Variants in RBM12 observed in about 807,000 individuals in gnomAD.
The protein encoded by RBM12 is RNA-binding protein 12.
A neutral mutation model predicts 37.2 loss-of-function variants in RBM12; 24 were observed. The observed-to-expected ratio is 0.65, with a 90% CI of 0.47 to 0.91. The LOEUF (loss-of-function observed/expected upper bound fraction) is 0.91, where lower values mean the gene tolerates loss of function less well. Among genes scored for constraint, RBM12 ranks in the 40% least tolerant of loss-of-function variants. The pLI is 0.00. For synonymous variants in RBM12, 420 were observed against 425.2 expected (o/e 0.99, Z 0.15); for missense variants, 1,061 against 1,183.2 (o/e 0.90, Z 1.52).
At chr20:35,659,138 CAAAAAA>C (rs370328377) in intron 1 of RBM12, 124 bp from the exon 2 acceptor site, 5 of 271,532 alleles carry the variant, frequency 1.8e-5, no homozygotes, top group African/African-American at 2.9e-5. Flanking sequence ...GAATGCATAT[CAAAAAA>C]AAAAAAAAAA....
rs970846986 is a variant in RBM12 at position 35,651,322 on chromosome 20, T to C, written c.*1202A>G. 2.0e-5 allele frequency: 3 copies of C among 152,162 alleles called. No homozygotes were observed. The highest frequency in any genetic ancestry group is 2.9e-5 in the Non-Finnish European group (2 of 68,016). 9.4% of individuals were successfully genotyped at this position (152,162 alleles called of 1,614,324 possible). Reference sequence around the variant, plus strand: ...GTCCTGAATACCAAAGAAAAGAGTATGAAAGGGTCAAGAATCTCAATTTTC... The same window carrying C: ...GTCCTGAATACCAAAGAAAAGAGTACGAAAGGGTCAAGAATCTCAATTTTC... On this transcript the variant is annotated 3_prime_UTR_variant, in exon 3 of 3. Coordinates refer to ENST00000374114, the MANE Select transcript of RBM12 (RefSeq NM_006047.6).
chr20:35,656,193 A>C (rs987228727), intron 2 of RBM12, among the ~76,000 whole-genome samples: 11 of 152,156 alleles, frequency 7.2e-5, no homozygotes, highest in Non-Finnish European at 1.0e-4. Flanking sequence ...TTTTTAAAGT[A>C]TTATTTTCCC....
chr20:35,663,366 T>C (rs1173501994), intron 1 of RBM12, among the ~76,000 whole-genome samples: 5 of 152,188 alleles, frequency 3.3e-5, no homozygotes, highest in African/African-American at 1.2e-4. Flanking sequence ...TCCCAGACAA[T>C]TCTTGTTGCT....
At position 35,651,506 on chromosome 20, in the gene RBM12, A is replaced by G. The variant is rs1161138236; in HGVS notation, c.*1018T>C. 6.6e-6 allele frequency: 1 copy of G among 152,254 alleles called. No individual in the cohort carries two copies. Among genetic ancestry groups the G allele is most frequent in the Non-Finnish European group, 1.5e-5 (1 of 68,042 alleles). The allele number at this position is 152,254 out of a possible 1,614,324, so 9.4% of individuals were successfully genotyped here. A position where few individuals can be genotyped will look rare whatever the true frequency, so the allele number is the denominator to read the frequency against. On this transcript the variant is annotated 3_prime_UTR_variant, in exon 3 of 3. Transcript: ENST00000374114. The stretch of plus-strand genomic sequence containing the variant: ...TATTCTATACTACTACTGCTAACAA[A>G]GATAATTTCAACTTCAGTTTTAAAA...
In RBM12 at chr20:35,649,896, T is replaced by G. The variant is rs1343382230; in HGVS notation, c.*2628A>C. 1 of 152,390 alleles carries G rather than the reference T, an allele frequency of 6.6e-6. No individual in the cohort carries two copies. The highest frequency in any genetic ancestry group is 6.5e-5 in the Admixed American group (1 of 15,280). 9.4% of individuals were successfully genotyped at this position (152,390 alleles called of 1,614,324 possible). ...AAAATATCATGATAGTGTTTACAAA[T>G]GCACACAACTTTGAGCAAAGCTTTA... is the stretch of plus-strand genomic sequence containing the variant. On this transcript the variant is annotated 3_prime_UTR_variant, in exon 3 of 3. Transcript: ENST00000374114.
At chr20:35,659,717 G>A (rs1307093623) in intron 1 of RBM12, among the ~76,000 whole-genome samples, 1 of 152,140 alleles carries the variant, frequency 6.6e-6, no homozygotes, top group African/African-American at 2.4e-5. Context: ...GACATATTAA[G>A]AGTATATCCC....
chr20:35,664,018 C>T (rs2034391294), intron 1 of RBM12, among the ~76,000 whole-genome samples: 1 of 152,198 alleles, frequency 6.6e-6, no homozygotes, highest in South Asian at 2.1e-4. Context: ...TACTGGGGGA[C>T]CAAAGGCCTG....
Position 35,651,844 on chromosome 20 carries a change from C to CA in RBM12, c.*679dup, listed in dbSNP as rs1036146479. The CA allele has an allele frequency of 3.3e-5, 5 of 152,520 alleles. No individual in the cohort carries two copies. The highest frequency in any genetic ancestry group is 7.4e-5 in the Non-Finnish European group (5 of 68,010). 9.4% of individuals were successfully genotyped at this position (152,520 alleles called of 1,614,324 possible). On this transcript the variant is annotated 3_prime_UTR_variant, in exon 3 of 3. Coordinates refer to ENST00000374114, the MANE Select transcript of RBM12 (RefSeq NM_006047.6). ...CAGTTTTAAGTGTGACATTAGAAAT[C>CA]AAAGTTTGAGGTTATAGCACAAACG...
In RBM12 at chr20:35,650,797, C is replaced by T. The variant is rs923847279; in HGVS notation, c.*1727G>A. 2 of 152,562 alleles carry T rather than the reference C, an allele frequency of 1.3e-5. No individual in the cohort carries two copies. Among genetic ancestry groups the T allele is most frequent in the Non-Finnish European group, 2.9e-5 (2 of 68,006 alleles). 9.5% of individuals were successfully genotyped at this position (152,562 alleles called of 1,614,324 possible). The stretch of plus-strand genomic sequence containing the variant: ...CTTAAATTACACAACCGCTGTATTT[C>T]AGTGTTCCACTGACTCACAACACCA... On this transcript the variant is annotated 3_prime_UTR_variant, in exon 3 of 3. Coordinates refer to ENST00000374114, the MANE Select transcript of RBM12 (RefSeq NM_006047.6).
rs572574685 is a variant in RBM12, at chr20:35,663,801, C to T, written c.-108+959G>A. Reference sequence around the variant, plus strand: ...AGCCTGCTGCACTGGCGTCCAACCCCGTCACTAACCTGTAGATCCTCAAAG... The same window carrying T: ...AGCCTGCTGCACTGGCGTCCAACCCTGTCACTAACCTGTAGATCCTCAAAG... On this transcript the variant is annotated intron_variant, in intron 1 of 2. Coordinates refer to ENST00000374114, the MANE Select transcript of RBM12 (RefSeq NM_006047.6). Among the ~76,000 whole-genome samples the T allele has an allele frequency of 3.3e-5, 5 of 152,288 alleles. No homozygotes were observed. In the South Asian group the frequency reaches 1.0e-3, roughly 32 times the overall value.
rs984458662 is a variant in RBM12 at position 35,650,972 on chromosome 20, A to T, written c.*1552T>A. 28 of 152,572 alleles carry T rather than the reference A, an allele frequency of 1.8e-4. No individual in the cohort carries two copies. The highest frequency in any genetic ancestry group is 8.8e-5 in the Non-Finnish European group (6 of 68,000). 9.5% of individuals were successfully genotyped at this position (152,572 alleles called of 1,614,324 possible). On this transcript the variant is annotated 3_prime_UTR_variant, in exon 3 of 3. Coordinates refer to ENST00000374114, the MANE Select transcript of RBM12 (RefSeq NM_006047.6). ...TAAAAGATAAAATTTGGTTTTCATG[A>T]TCTCTCATCTATCTCTCCTTCTGTA...
In RBM12 at chr20:35,653,491, C is replaced by T; in HGVS notation, c.1832G>A (p.Gly611Glu). The T allele has an allele frequency of 1.2e-6, 2 of 1,614,196 alleles. No homozygotes were observed. Among genetic ancestry groups the T allele is most frequent in the Non-Finnish European group, 1.7e-6 (2 of 1,180,034 alleles). Residue 611 changes from glycine (G) to glutamate (E), a missense_variant, in exon 3 of 3, where the codon GGG becomes GAG. Coordinates refer to ENST00000374114, the MANE Select transcript of RBM12 (RefSeq NM_006047.6). Reference sequence around the variant, plus strand: ...AACTACATGAACAAAAGCTTCTCTCCCATTAAGTTTTTTACGGTGTAAGCG... The same window carrying T: ...AACTACATGAACAAAAGCTTCTCTCTCATTAAGTTTTTTACGGTGTAAGCG... Reference protein sequence around the residue: ...SERLHRKKLNGREAFVHVVTL... With the variant: ...SERLHRKKLNEREAFVHVVTL...
chr20:35,660,917 C>T (rs2034198986), intron 1 of RBM12, among the ~76,000 whole-genome samples: 1 of 152,240 alleles, frequency 6.6e-6, no homozygotes, highest in African/African-American at 2.4e-5. Context: ...CTCACCAGGT[C>T]TACTCTCAAA....
Position 35,654,874 on chromosome 20 carries a change from A to T in RBM12, c.449T>A (p.Phe150Tyr). 1 of 1,614,048 alleles carries T rather than the reference A, an allele frequency of 6.2e-7. No homozygotes were observed. Among genetic ancestry groups the T allele is most frequent in the Non-Finnish European group, 8.5e-7 (1 of 1,179,982 alleles). ...AGCTGTTCCTACGCTGGCTGTGGAA[A>T]ATGTCTGTATGTTTTTGTTGCTTTC... is the stretch of plus-strand genomic sequence containing the variant. ...VHESNKNIQTFSTASVGTAPP... is the reference protein window; with the variant it reads ...VHESNKNIQTYSTASVGTAPP... The change falls in exon 3 of 3, where the codon TTT becomes TAT. Residue 150 changes from phenylalanine to tyrosine, a missense_variant. Coordinates refer to ENST00000374114, the MANE Select transcript of RBM12 (RefSeq NM_006047.6).
rs1255068724 is a variant in RBM12 at position 35,653,502 on chromosome 20, T to G, written c.1821A>C (p.Lys607Asn). Residue 607 changes from lysine (K) to asparagine (N), a missense_variant, in exon 3 of 3, where the codon AAA (lysine) becomes AAC (asparagine). Lys to Asn is a moderately conservative substitution (Grantham distance 94). Transcript: ENST00000374114. ...CAAAAGCTTCTCTCCCATTAAGTTT[T>G]TTACGGTGTAAGCGTTCAGACTTAC... The part of the protein sequence containing the change: ...DARKSERLHR[K>N]KLNGREAFVH... 1 of 1,614,270 alleles carries G rather than the reference T, an allele frequency of 6.2e-7. No homozygotes were observed. Among genetic ancestry groups the G allele is most frequent in the Admixed American group, 1.7e-5 (1 of 60,030 alleles).
Position 35,651,385 on chromosome 20 carries a change from T to C in RBM12, c.*1139A>G, listed in dbSNP as rs531821536. The C allele has an allele frequency of 6.6e-6, 1 of 152,320 alleles. No homozygotes were observed. The highest frequency in any genetic ancestry group is 2.1e-4 in the South Asian group (1 of 4,822). The allele number at this position is 152,320 out of a possible 1,614,324, so 9.4% of individuals were successfully genotyped here. ...TGCACTTGTACTCTGTATGAAGACT[T>C]TTAGTAAACAGGCTCCTGATCGAAC... On this transcript the variant is annotated 3_prime_UTR_variant, in exon 3 of 3. Transcript: ENST00000374114.
chr20:35,653,295 TCCTGTGCTGGGCAGG>T lies in RBM12; in HGVS notation c.2013_2027del (p.Ser674_Pro678del), dbSNP rs1358027101. The T allele has an allele frequency of 1.2e-6, 2 of 1,613,656 alleles. No homozygotes were observed. Among genetic ancestry groups the T allele is most frequent in the Non-Finnish European group, 8.5e-7 (1 of 1,179,824 alleles). ...CACTGGTTATTGCTGAACCAGGCAG[TCCTGTGCTGGGCAGG>T]CCTGCACCGGGAAGTCCTGCACTGG... On this transcript the variant is annotated inframe_deletion, in exon 3 of 3. Transcript: ENST00000374114.
rs2146344273 is a variant in RBM12, at chr20:35,652,828, C to T, written c.2495G>A (p.Gly832Asp). 6.2e-7 allele frequency: 1 copy of T among 1,604,016 alleles called. No homozygotes were observed. Among genetic ancestry groups the T allele is most frequent in the Non-Finnish European group, 8.5e-7 (1 of 1,175,004 alleles). The change falls in exon 3 of 3, where the codon GGC (glycine) becomes GAC (aspartate). Residue 832 changes from glycine to aspartate, a missense_variant. By Grantham distance (94) the Gly-to-Asp change is moderately conservative (BLOSUM62 -1). Transcript: ENST00000374114. ...PPAFGPGPGP[G>D]PGPGPIHIGG... The stretch of plus-strand genomic sequence containing the variant: ...AATATGGATTGGGCCAGGGCCGGGG[C>T]CGGGGCCGGGGCCAGGCCCAAAAGC...
Position 35,652,549 on chromosome 20 carries a change from C to G in RBM12, c.2774G>C (p.Arg925Thr). 1 of 1,611,348 alleles carries G rather than the reference C, an allele frequency of 6.2e-7. No homozygotes were observed. Among genetic ancestry groups the G allele is most frequent in the Non-Finnish European group, 8.5e-7 (1 of 1,179,214 alleles). ...IDLNDRPIGSRKVKLVLG is the reference protein window; with the variant it reads ...IDLNDRPIGSTKVKLVLG Reference sequence around the variant, plus strand: ...CTACCCTAATACAAGTTTTACTTTTCTTGAACCTATAGGCCTGTCATTTAA... The same window carrying G: ...CTACCCTAATACAAGTTTTACTTTTGTTGAACCTATAGGCCTGTCATTTAA... The change falls in exon 3 of 3, where the codon AGA (arginine) becomes ACA (threonine). Residue 925 changes from arginine (R) to threonine (T), a missense_variant. Physicochemically the swap from Arg to Thr is moderately conservative, Grantham distance 71. This residue lies in a region of RBM12 where 517 missense variants were observed against 534.0 expected (regional missense o/e 0.97). Transcript: ENST00000374114.
Sources: allele counts gnomAD v4.1 joint callset (sites outside exome capture counted in the v4.1 genomes callset), GRCh38; gene constraint gnomAD v4.1.1; regional missense constraint gnomAD v4.1.1; transcripts MANE v1.5; gene names NCBI Gene and HGNC (gene_info 2026-07-23, HGNC 2026-07-21).